The following FGF12 variants were observed in gnomAD, a reference collection of about 807,000 sequenced individuals.
FGF12 encodes fibroblast growth factor 12B.
A neutral mutation model predicts 23.6 loss-of-function variants in FGF12; 14 were observed. The observed-to-expected ratio is 0.59, with a 90% CI of 0.39 to 0.93. The LOEUF is 0.93. Ranked by LOEUF, FGF12 falls within the 40% of genes least tolerant of loss-of-function variation. FGF12 has a pLI of 0.00. For missense variants in FGF12, 175 were observed against 217.8 expected (o/e 0.80, Z 1.24); for synonymous variants, 62 against 77.3 (o/e 0.80, Z 1.04).
intron 2 of FGF12, among the ~76,000 whole-genome samples, chr3:192,718,661 G>T (rs1718939458): frequency 6.6e-6 from 1 of 152,124 alleles, no homozygotes; most frequent in Non-Finnish European, 1.5e-5. Flanking sequence ...ATTTAGACAT[G>T]AACCTGTTAC....
At chr3:192,359,491 T>C (rs1718623693) in intron 3 of FGF12, among the ~76,000 whole-genome samples, 1 of 152,154 alleles carries the variant, frequency 6.6e-6, no homozygotes, top group African/African-American at 2.4e-5. Context: ...TGCTCAACAC[T>C]AAAGATCTAG....
chr3:192,455,873 C>T (rs887532723), intron 2 of FGF12, among the ~76,000 whole-genome samples: 2 of 152,178 alleles, frequency 1.3e-5, no homozygotes, highest in African/African-American at 4.8e-5. Context: ...AAACACAATT[C>T]CACATACATG....
chr3:192,546,263 T>G (rs577156628), intron 2 of FGF12, among the ~76,000 whole-genome samples: 1 of 152,162 alleles, frequency 6.6e-6, no homozygotes, highest in Non-Finnish European at 1.5e-5. Flanking sequence ...TGAGATATTA[T>G]ACATATAGTG....
At chr3:192,524,005 TTAACA>T (rs1261395391) in intron 2 of FGF12, among the ~76,000 whole-genome samples, 2 of 152,182 alleles carry the variant, frequency 1.3e-5, no homozygotes, top group African/African-American at 4.8e-5. Flanking sequence ...GAATAAAATT[TTAACA>T]TAAGTCAACT....
At chr3:192,220,510 A>C (rs944255387) in intron 4 of FGF12, among the ~76,000 whole-genome samples, 1 of 152,126 alleles carries the variant, frequency 6.6e-6, no homozygotes, top group South Asian at 2.1e-4. Context: ...TTTCCTTCTG[A>C]AGCCTTCCTT....
chr3:192,234,577 A>C (rs976951508), intron 4 of FGF12, among the ~76,000 whole-genome samples: 9 of 152,140 alleles, frequency 5.9e-5, no homozygotes, highest in Non-Finnish European at 1.2e-4. Flanking sequence ...TACAATGTTG[A>C]ATAGGAGTGG....
In FGF12 at chr3:192,334,830, C is replaced by A. The variant is rs557778560; in HGVS notation, c.228+531G>T. 4.9e-4 allele frequency among the ~76,000 whole-genome samples: 74 copies of A among 152,240 alleles called. 2 individuals are homozygous for A. Among genetic ancestry groups the A allele is most frequent in the Admixed American group, 4.9e-3 (74 of 15,256 alleles). On this transcript the variant is annotated intron_variant, in intron 4 of 5. Coordinates refer to ENST00000445105, the MANE Select transcript of FGF12 (RefSeq NM_004113.6). ...AAACTCAAATATCCTTGCTCGTAAT[C>A]CAGAGCTCATTCCATAAATTCATAT...
At chr3:192,241,338 T>C (rs1406075647) in intron 4 of FGF12, among the ~76,000 whole-genome samples, 1 of 152,166 alleles carries the variant, frequency 6.6e-6, no homozygotes, top group African/African-American at 2.4e-5. Context: ...TTTTCTCACT[T>C]ATAATACCAG....
chr3:192,191,835 CA>C (rs66475128), intron 4 of FGF12, among the ~76,000 whole-genome samples: 32,783 of 101,274 alleles, frequency 0.32, 3,801 homozygotes, highest in African/African-American at 0.45. Context: ...GACTCCGTCT[CA>C]AAAAAAAAAA....
chr3:192,692,438 G>GCTCA (rs1441167436), intron 2 of FGF12, among the ~76,000 whole-genome samples: 2 of 152,254 alleles, frequency 1.3e-5, no homozygotes, highest in African/African-American at 4.8e-5. Flanking sequence ...AGATGCGGTG[G>GCTCA]CTCACACCTG....
At chr3:192,606,392 T>G (rs1714338900) in intron 2 of FGF12, among the ~76,000 whole-genome samples, 1 of 152,060 alleles carries the variant, frequency 6.6e-6, no homozygotes, top group Admixed American at 6.6e-5. Context: ...AGAAAGAGGG[T>G]GCAGGGGTTG....
chr3:192,426,580 A>G (rs573425606), intron 2 of FGF12, among the ~76,000 whole-genome samples: 45 of 152,326 alleles, frequency 3.0e-4, no homozygotes, highest in Non-Finnish European at 5.3e-4. Flanking sequence ...CCCATTTTAG[A>G]TGATGGCAAT....
intron 3 of FGF12, among the ~76,000 whole-genome samples, chr3:192,347,133 C>A (rs1718002650): frequency 6.6e-6 from 1 of 152,110 alleles, no homozygotes; most frequent in African/African-American, 2.4e-5. Flanking sequence ...AAGACAAGTA[C>A]TTTTTAACTC....
intron 2 of FGF12, among the ~76,000 whole-genome samples, chr3:192,365,821 T>C (rs1452021975): frequency 6.6e-6 from 1 of 151,772 alleles, no homozygotes; most frequent in Non-Finnish European, 1.5e-5. Flanking sequence ...CATCTAGTGC[T>C]ATGAAGTATT....
At chr3:192,379,698 C>A (rs150656941) in intron 2 of FGF12, among the ~76,000 whole-genome samples, 93 of 152,242 alleles carry the variant, frequency 6.1e-4, no homozygotes, top group African/African-American at 2.0e-3. Flanking sequence ...AAAGATGCTG[C>A]CTTATTTACT....
intron 2 of FGF12, among the ~76,000 whole-genome samples, chr3:192,723,029 A>C (rs1353670781): frequency 1.3e-5 from 2 of 152,170 alleles, no homozygotes; most frequent in Non-Finnish European, 2.9e-5. Flanking sequence ...GGTTGAACAG[A>C]GAGGTATGAC....
intron 2 of FGF12, among the ~76,000 whole-genome samples, chr3:192,708,203 C>A (rs186438573): frequency 6.6e-6 from 1 of 152,190 alleles, no homozygotes; most frequent in Non-Finnish European, 1.5e-5. Context: ...TCGTGATCCA[C>A]CCACCTCGGC....
intron 2 of FGF12, among the ~76,000 whole-genome samples, chr3:192,712,622 A>C (rs1718727951): frequency 6.6e-6 from 1 of 152,214 alleles, no homozygotes; most frequent in South Asian, 2.1e-4. Flanking sequence ...GTTCTGAAGA[A>C]AACTTATTTT....
chr3:192,410,202 C>T (rs763949171), intron 2 of FGF12, among the ~76,000 whole-genome samples: 1 of 152,204 alleles, frequency 6.6e-6, no homozygotes, highest in African/African-American at 2.4e-5. Flanking sequence ...GGAAGCACAG[C>T]GCGCTCTAGT....
Sources: allele counts gnomAD v4.1 joint callset (sites outside exome capture counted in the v4.1 genomes callset), GRCh38; gene constraint gnomAD v4.1.1; transcripts MANE v1.5; gene names NCBI Gene and HGNC (gene_info 2026-07-23, HGNC 2026-07-21).